Variants in PCDHGA1 observed in about 807,000 individuals in gnomAD.
The protein encoded by PCDHGA1 is protocadherin gamma-A1.
PCDHGA1 carries 32 observed loss-of-function variants against 58.0 expected under a neutral mutation model. The observed-to-expected ratio is 0.55, with a 90% confidence interval of 0.42 to 0.74. The LOEUF (loss-of-function observed/expected upper bound fraction) is 0.74, where lower values mean the gene tolerates loss of function less well. Among genes scored for constraint, PCDHGA1 ranks in the 30% least tolerant of loss-of-function variants. PCDHGA1 has a pLI of 0.00. For missense variants in PCDHGA1, 1,205 were observed against 1,182.3 expected (o/e 1.02, Z -0.28); for synonymous variants, 498 against 501.1 (o/e 0.99, Z 0.08).
chr5:141,439,364 G>A (rs1561894836), intron 1 of PCDHGA1, among the ~76,000 whole-genome samples: 2 of 152,142 alleles, frequency 1.3e-5, no homozygotes, highest in Admixed American at 1.3e-4. Context: ...CAAACATCAA[G>A]AAGAAATAAA....
At chr5:141,351,772 C>A in intron 1 of PCDHGA1, 1 of 1,613,538 alleles carries the variant, frequency 6.2e-7, no homozygotes, top group Non-Finnish European at 8.5e-7. Context: ...TGTCCGTGAG[C>A]CCGCAGAGCG....
At chr5:141,367,381 C>T (rs1164352847) in intron 1 of PCDHGA1, 1 of 151,950 alleles carries the variant, frequency 6.6e-6, no homozygotes, top group Non-Finnish European at 1.5e-5. Flanking sequence ...ACTAAAAATA[C>T]AAAAAATTAG....
At chr5:141,394,621 G>C (rs1231814252) in intron 1 of PCDHGA1, 1 of 1,613,408 alleles carries the variant, frequency 6.2e-7, no homozygotes, top group African/African-American at 1.3e-5. Flanking sequence ...CAGAACGCCT[G>C]GCTGTCCTAC....
At chr5:141,403,789 C>G (rs1230029917) in intron 1 of PCDHGA1, 1 of 1,613,864 alleles carries the variant, frequency 6.2e-7, no homozygotes. Context: ...AAGTGGCATA[C>G]AAATTCTGGA....
At chr5:141,352,133 G>C in intron 1 of PCDHGA1, 1 of 1,610,966 alleles carries the variant, frequency 6.2e-7, no homozygotes, top group Non-Finnish European at 8.5e-7. Context: ...GGTGCGCACA[G>C]CGCGTGCCTT....
At chr5:141,362,340 T>C (rs764036848) in intron 1 of PCDHGA1, 2 of 1,614,058 alleles carry the variant, frequency 1.2e-6, no homozygotes, top group African/African-American at 2.7e-5. Flanking sequence ...GCTCCAAGCC[T>C]GGACCTGGGG....
At chr5:141,374,761 C>T in intron 1 of PCDHGA1, 1 of 1,613,458 alleles carries the variant, frequency 6.2e-7, no homozygotes, top group African/African-American at 1.3e-5. Context: ...CAAGCGTCGC[C>T]CAAATTCTGG....
intron 1 of PCDHGA1, among the ~76,000 whole-genome samples, chr5:141,337,580 T>C (rs936884356): frequency 4.6e-5 from 7 of 152,132 alleles, no homozygotes; most frequent in Non-Finnish European, 1.0e-4. Flanking sequence ...GTCAAATTCA[T>C]AGAGAAAAAA....
chr5:141,331,396 A>T lies in PCDHGA1; in HGVS notation c.712A>T (p.Asn238Tyr), dbSNP rs1756355219. 1 of 1,613,976 alleles carries T rather than the reference A, an allele frequency of 6.2e-7. No homozygotes were observed. Among genetic ancestry groups the T allele is most frequent in the South Asian group, 1.1e-5 (1 of 91,072 alleles). The change falls in exon 1 of 4, where the codon AAT becomes TAT. Residue 238 changes from asparagine to tyrosine, a missense_variant. Physicochemically the swap from Asn to Tyr is moderately radical, Grantham distance 143. Transcript: ENST00000517417. ...CATTCAGGTGGTGGATGCAAATGAC[A>T]ATCCTCCAGCATTTACTCAGGCACA... ...IYIQVVDAND[N>Y]PPAFTQAQYH...
At chr5:141,370,763 C>T (rs1309192707) in intron 1 of PCDHGA1, 1 of 1,613,816 alleles carries the variant, frequency 6.2e-7, no homozygotes, top group African/African-American at 1.3e-5. Context: ...CTGTGCTGAT[C>T]CAGGATATTA....
chr5:141,466,486 T>C (rs1005010773), intron 1 of PCDHGA1, among the ~76,000 whole-genome samples: 1 of 152,240 alleles, frequency 6.6e-6, no homozygotes, highest in Non-Finnish European at 1.5e-5. Flanking sequence ...GTAGGTCTTC[T>C]TTAATTAGAG....
intron 1 of PCDHGA1, chr5:141,428,371 C>A: frequency 5.6e-6 from 3 of 536,772 alleles, no homozygotes; most frequent in Non-Finnish European, 1.0e-5. Flanking sequence ...CGCCTTGCAC[C>A]TGCGATGCTC....
intron 1 of PCDHGA1, chr5:141,370,891 C>A (rs1767286127): frequency 6.2e-7 from 1 of 1,614,028 alleles, no homozygotes; most frequent in Non-Finnish European, 8.5e-7. Context: ...GGTGTCAATT[C>A]GCTGCAGCAG....
chr5:141,507,151 G>C (rs1423834553), intron 3 of PCDHGA1: 2 of 152,192 alleles, frequency 1.3e-5, no homozygotes, highest in African/African-American at 4.8e-5. Context: ...TATTACCTGA[G>C]CAGGATGAGA....
intron 1 of PCDHGA1, chr5:141,372,404 G>A (rs761162819): frequency 2.6e-5 from 42 of 1,613,928 alleles, no homozygotes; most frequent in Non-Finnish European, 2.8e-5. Context: ...GCTTGCAAGA[G>A]ATACAACCTG....
At chr5:141,409,756 C>T in intron 1 of PCDHGA1, 1 of 1,612,994 alleles carries the variant, frequency 6.2e-7, no homozygotes, top group Non-Finnish European at 8.5e-7. Flanking sequence ...TCGCGCAGCG[C>T]GCCTTTGATC....
rs1466859554 is a variant in PCDHGA1 at position 141,331,306 on chromosome 5, C to T, written c.622C>T (p.His208Tyr). The part of the protein sequence containing the change: ...SPLDREEEAV[H>Y]HLILTASDGG... ...CTTAGACAGAGAAGAAGAAGCTGTC[C>T]ACCACCTCATCCTCACAGCTTCTGA... The change falls in exon 1 of 4, where the codon CAC becomes TAC. Residue 208 changes from histidine to tyrosine, a missense_variant. Transcript: ENST00000517417. The T allele has an allele frequency of 3.1e-6, 5 of 1,613,944 alleles. No individual in the cohort carries two copies. Among genetic ancestry groups the T allele is most frequent in the Non-Finnish European group, 4.2e-6 (5 of 1,180,034 alleles).
intron 1 of PCDHGA1, chr5:141,350,650 C>T (rs374865865): frequency 1.9e-6 from 3 of 1,614,020 alleles, no homozygotes; most frequent in Non-Finnish European, 2.5e-6. Context: ...CACCACGTTT[C>T]GTTGCAAAAG....
At position 141,394,905 on chromosome 5, in the gene PCDHGA1, G is replaced by A. The variant is rs1281710551; in HGVS notation, c.2421+61800G>A. On this transcript the variant is annotated intron_variant, in intron 1 of 3. Transcript: ENST00000517417. ...TACACTCTATCTCGTGGTGGCAGTG[G>A]CTGCCATCTCCTGTGTCTTCCTCGC... The A allele has an allele frequency of 1.2e-6, 2 of 1,613,720 alleles. No individual in the cohort carries two copies. Among genetic ancestry groups the A allele is most frequent in the Non-Finnish European group, 1.7e-6 (2 of 1,179,870 alleles).
Sources: gnomAD v4.1 joint callset for allele counts (sites outside exome capture counted in the v4.1 genomes callset) on GRCh38, gnomAD v4.1.1 for gene constraint, MANE v1.5 for transcripts, NCBI Gene and HGNC (gene_info 2026-07-23, HGNC 2026-07-21) for gene names.